The following CSMD1 variants were observed in gnomAD, a reference collection of about 807,000 sequenced individuals.
CSMD1 encodes CUB and Sushi multiple domains 1, also known as CUB and sushi domain-containing protein 1.
A neutral mutation model predicts 417.5 loss-of-function variants in CSMD1; 213 were observed. The observed-to-expected ratio is 0.51, with a 90% confidence interval of 0.46 to 0.57. CSMD1 has a LOEUF of 0.57. Among genes scored for constraint, CSMD1 ranks in the 20% least tolerant of loss-of-function variants. CSMD1 has a pLI of 0.00. For missense variants in CSMD1, 6,923 were observed against 4,529.7 expected, an observed-to-expected ratio of 1.53 and a Z score of -15.17; for synonymous variants, 2,862 against 1,736.8, an observed-to-expected ratio of 1.65 and a Z score of -16.11.
intron 3 of CSMD1, among the ~76,000 whole-genome samples, chr8:4,175,538 T>G (rs931732173): frequency 6.6e-6 from 1 of 152,158 alleles, no homozygotes; most frequent in Non-Finnish European, 1.5e-5. Context: ...TGGATAAATG[T>G]AGACATGATA....
chr8:3,720,943 C>G (rs534843526), intron 6 of CSMD1, among the ~76,000 whole-genome samples: 18 of 152,116 alleles, frequency 1.2e-4, no homozygotes, highest in East Asian at 3.9e-4. Flanking sequence ...AGCCTCCCAA[C>G]TAGCTGGGAT....
In CSMD1 at chr8:3,157,961, A is replaced by G; in HGVS notation, c.5850T>C (p.Arg1950=). Residue 1950 remains arginine (R), a synonymous_variant, in exon 39 of 70, where the codon CGT becomes CGC. Transcript: ENST00000635120. ...QCEPGYTLQG[R]SHISCMPGTV... ...TCCCTGGCATACAGGAAATGTGGGA[A>G]CGGCCCTGTTTAAAAGAAAACAAAA... 6.4e-7 allele frequency: 1 copy of G among 1,553,508 alleles called. No individual in the cohort carries two copies. Among genetic ancestry groups the G allele is most frequent in the Non-Finnish European group, 8.7e-7 (1 of 1,147,914 alleles).
chr8:4,878,345 A>C (rs113707715), intron 1 of CSMD1, among the ~76,000 whole-genome samples: 1 of 152,240 alleles, frequency 6.6e-6, no homozygotes, highest in Non-Finnish European at 1.5e-5. Context: ...AAATGTACAC[A>C]TAAGTTGTGT....
In CSMD1 at chr8:4,236,163, C is replaced by A. The variant is rs990233903; in HGVS notation, c.415+183790G>T. ...GTATGTTATCAGTAAGGTCTTCGAT[C>A]AGGAACTGAAATGCCACGGACAACA... On this transcript the variant is annotated intron_variant, in intron 3 of 69. Transcript: ENST00000635120. 6.0e-5 allele frequency among the ~76,000 whole-genome samples: 9 copies of A among 150,162 alleles called. No individual in the cohort carries two copies. In the South Asian group the frequency reaches 1.1e-3, roughly 18 times the overall value.
rs186438950 is a variant in CSMD1, at chr8:4,644,553, C to T, written c.86-6995G>A. On this transcript the variant is annotated intron_variant, in intron 1 of 69. Coordinates refer to ENST00000635120, the MANE Select transcript of CSMD1 (RefSeq NM_033225.6). ...TCCAGAGTAGCTGGGATTACAGGCACGCGCCACCACACCTGACTAATATTT... is the reference window on the plus strand; with the variant it reads ...TCCAGAGTAGCTGGGATTACAGGCATGCGCCACCACACCTGACTAATATTT... 2.6e-3 allele frequency among the ~76,000 whole-genome samples: 400 copies of T among 152,202 alleles called. 2 individuals are homozygous for T. The highest frequency in any genetic ancestry group is 8.9e-3 in the African/African-American group (371 of 41,526).
At chr8:3,760,259 G>C (rs1034568499) in intron 5 of CSMD1, among the ~76,000 whole-genome samples, 1 of 152,156 alleles carries the variant, frequency 6.6e-6, no homozygotes, top group Non-Finnish European at 1.5e-5. Flanking sequence ...AAAGGAACTG[G>C]TTGTTCCCAC....
intron 3 of CSMD1, among the ~76,000 whole-genome samples, chr8:4,295,439 TATA>T (rs998003184): frequency 1.5e-4 from 21 of 144,546 alleles, no homozygotes; most frequent in African/African-American, 5.2e-4. Flanking sequence ...TTAAGATATA[TATA>T]ATCTTATTAT....
chr8:4,093,977 GATA>G (rs1800860143), intron 3 of CSMD1, among the ~76,000 whole-genome samples: 7 of 143,162 alleles, frequency 4.9e-5, no homozygotes, highest in Admixed American at 4.1e-4. Context: ...TAGATAGATA[GATA>G]GATAGATAGA....
At chr8:4,664,470 G>A (rs11781260) in intron 1 of CSMD1, among the ~76,000 whole-genome samples, 3,789 of 152,226 alleles carry the variant, frequency 0.025, 71 homozygotes, top group Middle Eastern at 0.088. Context: ...TAAGGTGGGA[G>A]GACTGCTTTA....
At chr8:4,959,203 G>A (rs1354594772) in intron 1 of CSMD1, among the ~76,000 whole-genome samples, 3 of 152,156 alleles carry the variant, frequency 2.0e-5, no homozygotes, top group Non-Finnish European at 2.9e-5. Flanking sequence ...TCTGTTCAAC[G>A]TTACTGCCAT....
At chr8:3,057,103 T>C (rs895756415) in intron 49 of CSMD1, among the ~76,000 whole-genome samples, 3 of 152,062 alleles carry the variant, frequency 2.0e-5, no homozygotes, top group African/African-American at 7.2e-5. Context: ...CTTCCACAAA[T>C]ATAAGCCATA....
intron 5 of CSMD1, among the ~76,000 whole-genome samples, chr8:3,832,036 G>A (rs1802407513): frequency 6.6e-6 from 1 of 152,136 alleles, no homozygotes; most frequent in African/African-American, 2.4e-5. Flanking sequence ...TCTCTGCGTT[G>A]CTCTTATCAC....
intron 4 of CSMD1, among the ~76,000 whole-genome samples, chr8:4,023,624 T>C (rs1796899086): frequency 6.8e-6 from 1 of 146,116 alleles, no homozygotes; most frequent in Admixed American, 6.7e-5. Context: ...TCTCGCTCTG[T>C]CGCCCAGGCT....
chr8:4,617,266 G>C (rs1217808780), intron 2 of CSMD1, among the ~76,000 whole-genome samples: 4 of 152,200 alleles, frequency 2.6e-5, no homozygotes, highest in South Asian at 4.1e-4. Context: ...GCGATTACTT[G>C]CTTCACCTTC....
rs1455042918 is a variant in CSMD1 at position 3,689,333 on chromosome 8, C to A, written c.1009+19081G>T. ...CATCTCCAGATGATCTAGTTAACTC[C>A]AGTATTGTCCTCCCCTCATACCACC... On this transcript the variant is annotated intron_variant, in intron 7 of 69. Coordinates refer to ENST00000635120, the MANE Select transcript of CSMD1 (RefSeq NM_033225.6). Among the ~76,000 whole-genome samples the A allele has an allele frequency of 2.0e-5, 3 of 152,158 alleles. No individual in the cohort carries two copies. In the East Asian group the frequency reaches 5.8e-4, roughly 29 times the overall value.
At chr8:3,930,391 C>G (rs1239148743) in intron 5 of CSMD1, among the ~76,000 whole-genome samples, 1 of 150,580 alleles carries the variant, frequency 6.6e-6, no homozygotes, top group Non-Finnish European at 1.5e-5. Flanking sequence ...CAACTTAGCC[C>G]TGGCATGCTT....
At chr8:4,585,120 G>C (rs1205604527) in intron 2 of CSMD1, among the ~76,000 whole-genome samples, 1 of 148,882 alleles carries the variant, frequency 6.7e-6, no homozygotes, top group Non-Finnish European at 1.5e-5. Flanking sequence ...AAGTACAATA[G>C]AAAGAGACTA....
Position 3,396,442 on chromosome 8 carries a change from C to G in CSMD1, c.2406-61G>C, listed in dbSNP as rs748147305. The G allele has an allele frequency of 9.3e-6, 11 of 1,187,760 alleles. No homozygotes were observed. In the East Asian group the frequency reaches 2.3e-4, roughly 25 times the overall value. The allele number at this position is 1,187,760 out of a possible 1,614,324, so 73.6% of individuals were successfully genotyped here. On this transcript the variant is annotated intron_variant, in intron 16 of 69. Transcript: ENST00000635120. Reference sequence around the variant, plus strand: ...AGAACTGCCAGCTTACAGACGTGCTCCTGACATCCTCATTCCTTAATCAGA... The same window carrying G: ...AGAACTGCCAGCTTACAGACGTGCTGCTGACATCCTCATTCCTTAATCAGA...
intron 5 of CSMD1, among the ~76,000 whole-genome samples, chr8:3,798,181 T>C (rs149118775): frequency 3.0e-4 from 45 of 152,164 alleles, no homozygotes; most frequent in African/African-American, 9.4e-4. Flanking sequence ...TAAAACAATT[T>C]TTAACATTTT....
Sources: gnomAD v4.1 joint callset for allele counts (sites outside exome capture counted in the v4.1 genomes callset) on GRCh38, gnomAD v4.1.1 for gene constraint, MANE v1.5 for transcripts, NCBI Gene and HGNC (gene_info 2026-07-23, HGNC 2026-07-21) for gene names.